Variants in AKAP7 observed in about 807,000 individuals in gnomAD.
AKAP7 encodes the protein A-kinase anchoring protein 7, also known as A kinase (PRKA) anchor protein 7.
AKAP7 carries 39 observed loss-of-function variants against 39.5 expected under a neutral mutation model. That is an observed-to-expected ratio of 0.99 (90% CI 0.76 to 1.29). The LOEUF is 1.29. AKAP7 is among the 50% of genes most tolerant of loss of function. The pLI is 0.00. For missense variants in AKAP7, 414 were observed against 407.7 expected (o/e 1.02, Z -0.13); for synonymous variants, 140 against 139.1 (o/e 1.01, Z -0.05).
At chr6:131,200,402 C>T (rs1224060539) in intron 6 of AKAP7, among the ~76,000 whole-genome samples, 1 of 152,218 alleles carries the variant, frequency 6.6e-6, no homozygotes, top group Non-Finnish European at 1.5e-5. Context: ...GATGGGCATG[C>T]AGATTAATAT....
At chr6:131,211,523 T>C (rs3850239) in intron 6 of AKAP7, among the ~76,000 whole-genome samples, 43,870 of 151,642 alleles carry the variant, frequency 0.29, 6,812 homozygotes, top group Middle Eastern at 0.39. Context: ...CCCAGCACTT[T>C]GGGAGGCTGA....
At chr6:131,252,010 G>C (rs918629877) in intron 7 of AKAP7, among the ~76,000 whole-genome samples, 2 of 152,210 alleles carry the variant, frequency 1.3e-5, no homozygotes, top group African/African-American at 4.8e-5. Flanking sequence ...CTGTTCCACT[G>C]CTCAGGGTTT....
At chr6:131,238,103 G>A (rs1463484929) in intron 7 of AKAP7, among the ~76,000 whole-genome samples, 22 of 151,976 alleles carry the variant, frequency 1.4e-4, no homozygotes, top group Admixed American at 1.4e-3. Context: ...CTGGTATGTT[G>A]TGTCTTTGTT....
intron 7 of AKAP7, among the ~76,000 whole-genome samples, chr6:131,239,785 G>T (rs193067885): frequency 1.1e-4 from 17 of 152,224 alleles, no homozygotes; most frequent in Admixed American, 2.0e-4. Context: ...TCTCTGCATT[G>T]GTTATTCTAG....
In AKAP7 at chr6:131,135,602, G is replaced by GCC. The variant is rs1584915183; in HGVS notation, c.-158_-157dup. 1.9e-6 allele frequency: 1 copy of GCC among 530,022 alleles called. No homozygotes were observed. The highest frequency in any genetic ancestry group is 1.4e-4 in the East Asian group (1 of 6,990). 32.8% of individuals were successfully genotyped at this position (530,022 alleles called of 1,614,324 possible). The stretch of plus-strand genomic sequence containing the variant: ...CGCAGGCCTGGCCTCCGCCGCCCGG[G>GCC]CCCCCGCAGCCTGTCGCTGGACCCC... On this transcript the variant is annotated 5_prime_UTR_variant, in exon 1 of 8. Transcript: ENST00000431975.
chr6:131,241,621 G>GTATATATATA (rs1221493841), intron 7 of AKAP7, among the ~76,000 whole-genome samples: 1 of 71,506 alleles, frequency 1.4e-5, no homozygotes, highest in Non-Finnish European at 3.4e-5. Context: ...GTGTGTGTGT[G>GTATATATATA]TGTGTGTATA....
chr6:131,154,914 A>G (rs377135788), intron 2 of AKAP7, among the ~76,000 whole-genome samples: 2 of 151,902 alleles, frequency 1.3e-5, no homozygotes, highest in African/African-American at 4.8e-5. Context: ...AAGTTTTGCT[A>G]TTCTGGTTAT....
At chr6:131,228,674 G>T (rs910688056) in intron 7 of AKAP7, among the ~76,000 whole-genome samples, 2 of 151,914 alleles carry the variant, frequency 1.3e-5, no homozygotes, top group African/African-American at 4.8e-5. Context: ...TATACTTTAG[G>T]TTCACCAGTT....
chr6:131,276,423 C>T (rs1435613756), intron 7 of AKAP7, among the ~76,000 whole-genome samples: 2 of 152,150 alleles, frequency 1.3e-5, no homozygotes. Context: ...CCTGACCTGT[C>T]CTTCCTCACA....
At chr6:131,250,762 G>T in intron 7 of AKAP7, 2 of 750,854 alleles carry the variant, frequency 2.7e-6, no homozygotes, top group Admixed American at 4.9e-5. Context: ...TAAAGGGACT[G>T]GTAGGTGTGT....
chr6:131,222,817 G>C (rs545771371), intron 7 of AKAP7, among the ~76,000 whole-genome samples: 96 of 152,332 alleles, frequency 6.3e-4, no homozygotes, highest in Non-Finnish European at 1.1e-3. Flanking sequence ...AAGTTTTACT[G>C]TGGGTAAAAT....
At chr6:131,234,472 T>C (rs1810871921) in intron 7 of AKAP7, among the ~76,000 whole-genome samples, 1 of 152,048 alleles carries the variant, frequency 6.6e-6, no homozygotes, top group African/African-American at 2.4e-5. Flanking sequence ...GAATGTTCAG[T>C]GTGGAGGGAG....
intron 7 of AKAP7, chr6:131,241,914 A>G: frequency 2.6e-6 from 1 of 388,382 alleles, no homozygotes; most frequent in Non-Finnish European, 3.5e-6. Context: ...TGTGTGATTC[A>G]AGATTGCATC....
rs114572788 is a variant in AKAP7, at chr6:131,242,226, G to A, written c.850+22418G>A. 1.1e-3 allele frequency: 1,053 copies of A among 973,724 alleles called. 2 individuals are homozygous for A. Among genetic ancestry groups the A allele is most frequent in the African/African-American group, 7.5e-3 (426 of 57,054 alleles). 60.3% of individuals were successfully genotyped at this position (973,724 alleles called of 1,614,324 possible). A position where few individuals can be genotyped will look rare whatever the true frequency, so the allele number is the denominator to read the frequency against. On this transcript the variant is annotated intron_variant, in intron 7 of 7. Transcript: ENST00000431975. ...GATTCTGGCTATGAGTAAAGGAAGC[G>A]CAATTGACCATCACAGTTTTATATT...
intron 6 of AKAP7, among the ~76,000 whole-genome samples, chr6:131,204,782 TG>T (rs1476268713): frequency 2.0e-5 from 3 of 152,164 alleles, no homozygotes; most frequent in East Asian, 3.9e-4. Flanking sequence ...TCCATTGTCA[TG>T]GGAGTGGTCC....
intron 7 of AKAP7, among the ~76,000 whole-genome samples, chr6:131,231,501 T>C (rs1303989743): frequency 2.0e-5 from 3 of 152,188 alleles, no homozygotes; most frequent in Non-Finnish European, 2.9e-5. Flanking sequence ...CTGAGAGAAC[T>C]GTATACTTTT....
chr6:131,209,831 C>G (rs1808484835), intron 6 of AKAP7, among the ~76,000 whole-genome samples: 1 of 152,040 alleles, frequency 6.6e-6, no homozygotes, highest in African/African-American at 2.4e-5. Flanking sequence ...CTGGCAAGTC[C>G]CACAGTGGAT....
chr6:131,231,361 G>T (rs907054510), intron 7 of AKAP7, among the ~76,000 whole-genome samples: 1 of 150,552 alleles, frequency 6.6e-6, no homozygotes, highest in East Asian at 1.9e-4. Context: ...AAACATTTGC[G>T]TTTTTTTTTC....
At chr6:131,255,943 A>G (rs1481293030) in intron 7 of AKAP7, among the ~76,000 whole-genome samples, 1 of 152,100 alleles carries the variant, frequency 6.6e-6, no homozygotes, top group Non-Finnish European at 1.5e-5. Context: ...GCCAAGTACT[A>G]TGCTAGGATT....
Sources: gnomAD v4.1 joint callset for allele counts (sites outside exome capture counted in the v4.1 genomes callset) on GRCh38, gnomAD v4.1.1 for gene constraint, MANE v1.5 for transcripts, NCBI Gene and HGNC (gene_info 2026-07-23, HGNC 2026-07-21) for gene names.